Variants in OGA observed in about 807,000 individuals in gnomAD.
OGA encodes the protein protein O-GlcNAcase.
In OGA, 21 loss-of-function variants were observed where a neutral mutation model predicts 102.0. The ratio of observed to expected loss-of-function variants is 0.21; its 90% CI spans 0.15 to 0.30. The LOEUF (loss-of-function observed/expected upper bound fraction) is 0.30. Among genes scored for constraint, OGA ranks in the 10% least tolerant of loss-of-function variants. The pLI is 1.00. For missense variants in OGA, 765 were observed against 1,107.8 expected (o/e 0.69, Z 4.39); for synonymous variants, 408 against 378.2 (o/e 1.08, Z -0.91).
At chr10:101,815,705 TA>T (rs1345666189) in intron 1 of OGA, among the ~76,000 whole-genome samples, 3 of 151,694 alleles carry the variant, frequency 2.0e-5, no homozygotes, top group Non-Finnish European at 4.4e-5. Context: ...TGCTCCAATA[TA>T]AAAAAAGACT....
Position 101,791,370 on chromosome 10 carries a change from C to T in OGA, c.2245G>A (p.Asp749Asn). The T allele has an allele frequency of 6.2e-7, 1 of 1,613,482 alleles. No homozygotes were observed. Among genetic ancestry groups the T allele is most frequent in the Non-Finnish European group, 8.5e-7 (1 of 1,179,426 alleles). ...ATCACATACTTGTCTCCAATAAGAT[C>T]AGGCTGACTTTGAAAGGGTAAACCC... The part of the protein sequence containing the change: ...GVGLPFQSQP[D>N]LIGDKLVGGL... The change falls in exon 13 of 16, where the codon GAT becomes AAT. Residue 749 changes from aspartate (D) to asparagine (N), a missense_variant. This residue lies in a region of OGA where 146 missense variants were observed against 269.7 expected (regional missense o/e 0.54). Coordinates refer to ENST00000361464, the MANE Select transcript of OGA (RefSeq NM_012215.5).
At position 101,818,356 on chromosome 10, in the gene OGA, C is replaced by T; in HGVS notation, c.-334G>A. On this transcript the variant is annotated 5_prime_UTR_variant, in exon 1 of 16. Transcript: ENST00000361464. ...TCGTTCTCTGCCTCTGCTGCCCTCC[C>T]GATAATCTTAGGTCTTCCGCTGTTT... 4.6e-6 allele frequency: 5 copies of T among 1,096,758 alleles called. No homozygotes were observed. In the South Asian group the frequency reaches 1.1e-4, roughly 23 times the overall value. The allele number at this position is 1,096,758 out of a possible 1,614,324, so 67.9% of individuals were successfully genotyped here. A position where few individuals can be genotyped will look rare whatever the true frequency, so the allele number is the denominator to read the frequency against.
intron 5 of OGA, among the ~76,000 whole-genome samples, chr10:101,806,611 G>C (rs1443952255): frequency 6.6e-6 from 1 of 152,162 alleles, no homozygotes. Context: ...TCCTCCAACA[G>C]TAGTACAGAT....
chr10:101,813,435 T>C (rs753962724), intron 2 of OGA, 120 bp downstream of exon 2: 4 of 674,330 alleles, frequency 5.9e-6, no homozygotes, highest in African/African-American at 1.9e-5. Context: ...GTAAAATAAC[T>C]TCTGCAATTG....
chr10:101,808,454 GCCAGGCTGTGTCCTAGTC>G (rs2065504284), intron 4 of OGA, among the ~76,000 whole-genome samples: 1 of 152,110 alleles, frequency 6.6e-6, no homozygotes. Context: ...ACATGAAAAA[GCCAGGCTGTGTCCTAGTC>G]CCAAAAGGCA....
intron 4 of OGA, among the ~76,000 whole-genome samples, chr10:101,809,129 G>C (rs2065515195): frequency 6.6e-6 from 1 of 152,074 alleles, no homozygotes; most frequent in African/African-American, 2.4e-5. Context: ...CCATATAATT[G>C]AAGAAACTAA....
At chr10:101,814,723 T>G (rs1169020352) in intron 1 of OGA, among the ~76,000 whole-genome samples, 1 of 152,114 alleles carries the variant, frequency 6.6e-6, no homozygotes, top group Non-Finnish European at 1.5e-5. Flanking sequence ...AGAGCAAAGA[T>G]CTGAACAAAT....
At chr10:101,802,971 T>C (rs2065413572) in intron 7 of OGA, among the ~76,000 whole-genome samples, 1 of 125,796 alleles carries the variant, frequency 7.9e-6, no homozygotes, top group Non-Finnish European at 1.6e-5. Context: ...AAACCCTGTC[T>C]CTACTTTAAA....
intron 5 of OGA, 99 bp downstream of exon 5, chr10:101,807,631 A>G: frequency 1.2e-6 from 1 of 848,996 alleles, no homozygotes; most frequent in Non-Finnish European, 1.7e-6. Context: ...TTTACACACC[A>G]AAGGAGGAGG....
In OGA at chr10:101,786,223, A is replaced by T; in HGVS notation, c.*228T>A. The T allele has an allele frequency of 5.3e-6, 2 of 378,300 alleles. No individual in the cohort carries two copies. The highest frequency in any genetic ancestry group is 9.2e-6 in the Non-Finnish European group (2 of 217,116). The allele number at this position is 378,300 out of a possible 1,614,324, so 23.4% of individuals were successfully genotyped here. A position where few individuals can be genotyped will look rare whatever the true frequency, so the allele number is the denominator to read the frequency against. ...TCTCAGCACCTAACACAAGACTCAA[A>T]AAGGAAGCCCACATCTCTCTTTCAT... is the stretch of plus-strand genomic sequence containing the variant. On this transcript the variant is annotated 3_prime_UTR_variant, in exon 16 of 16. Coordinates refer to ENST00000361464, the MANE Select transcript of OGA (RefSeq NM_012215.5).
chr10:101,798,547 G>A (rs1035361035), intron 9 of OGA, among the ~76,000 whole-genome samples: 3 of 151,672 alleles, frequency 2.0e-5, no homozygotes, highest in Non-Finnish European at 2.9e-5. Flanking sequence ...CTGAGTAGCT[G>A]GGATTACAGG....
intron 10 of OGA, chr10:101,795,814 AT>A (rs748626643): frequency 1.6e-5 from 12 of 759,154 alleles, no homozygotes; most frequent in East Asian, 2.6e-4. Context: ...CTTAAAAAAA[AT>A]AAAAAATAAA....
rs2065499078 is a variant in OGA, at chr10:101,808,046, A to G, written c.481-145T>C. On this transcript the variant is annotated intron_variant, in intron 4 of 15. Coordinates refer to ENST00000361464, the MANE Select transcript of OGA (RefSeq NM_012215.5). ...TTATTGTTTTTACATTTTCAATTAA[A>G]AAATCGTAAGTTAAACAGTTTTGGG... The G allele has an allele frequency of 3.9e-6, 3 of 766,716 alleles. No homozygotes were observed. In the South Asian group the frequency reaches 1.2e-4, roughly 32 times the overall value. The allele number at this position is 766,716 out of a possible 1,614,324, so 47.5% of individuals were successfully genotyped here.
Position 101,793,869 on chromosome 10 carries a change from A to G in OGA, c.2070+44T>C, listed in dbSNP as rs779342978. 11 of 1,456,358 alleles carry G rather than the reference A, an allele frequency of 7.6e-6. No individual in the cohort carries two copies. In the African/African-American group the frequency reaches 1.5e-4, roughly 20 times the overall value. 90.2% of individuals were successfully genotyped at this position (1,456,358 alleles called of 1,614,324 possible). On this transcript the variant is annotated intron_variant, in intron 11 of 15. Transcript: ENST00000361464. ...TGATGCGCAACATAAGGTTTCTCATAAAACAAAGAAAATGTCAATTCAGTT... is the reference window on the plus strand; with the variant it reads ...TGATGCGCAACATAAGGTTTCTCATGAAACAAAGAAAATGTCAATTCAGTT...
chr10:101,802,054 A>C (rs1381786119), intron 7 of OGA, among the ~76,000 whole-genome samples: 1 of 152,052 alleles, frequency 6.6e-6, no homozygotes, highest in African/African-American at 2.4e-5. Flanking sequence ...CTGAGGCCAG[A>C]GACTCGCTTG....
chr10:101,798,382 A>C (rs992031067), intron 9 of OGA, among the ~76,000 whole-genome samples: 4 of 151,160 alleles, frequency 2.6e-5, no homozygotes, highest in African/African-American at 9.7e-5. Flanking sequence ...GATTTAGTAG[A>C]GTCCACATCC....
At chr10:101,802,165 A>G (rs963574660) in intron 7 of OGA, among the ~76,000 whole-genome samples, 5 of 151,894 alleles carry the variant, frequency 3.3e-5, no homozygotes, top group African/African-American at 1.2e-4. Flanking sequence ...AAAAATTTTC[A>G]GTGTTCAGTG....
Position 101,785,960 on chromosome 10 carries a change from T to C in OGA, c.*491A>G, listed in dbSNP as rs1055087526. 6.6e-5 allele frequency: 10 copies of C among 152,544 alleles called. No homozygotes were observed. Among genetic ancestry groups the C allele is most frequent in the African/African-American group, 2.2e-4 (9 of 41,568 alleles). The allele number at this position is 152,544 out of a possible 1,614,324, so 9.4% of individuals were successfully genotyped here. A position where few individuals can be genotyped will look rare whatever the true frequency, so the allele number is the denominator to read the frequency against. ...AAATTATTTATTCAGCTTAAACTAA[T>C]GCCACAACCATCCCACTTGGAATCA... On this transcript the variant is annotated 3_prime_UTR_variant, in exon 16 of 16. Transcript: ENST00000361464.
At chr10:101,808,883 T>C (rs1186082092) in intron 4 of OGA, among the ~76,000 whole-genome samples, 2 of 151,968 alleles carry the variant, frequency 1.3e-5, no homozygotes, top group Non-Finnish European at 2.9e-5. Context: ...GGCCAGAGAA[T>C]TGCTTGAACC....
Sources: allele counts gnomAD v4.1 joint callset (sites outside exome capture counted in the v4.1 genomes callset), GRCh38; gene constraint gnomAD v4.1.1; regional missense constraint gnomAD v4.1.1; transcripts MANE v1.5; gene names NCBI Gene and HGNC (gene_info 2026-07-23, HGNC 2026-07-21).